Variants in CCSER1 observed in about 807,000 individuals in gnomAD.
CCSER1 encodes the protein coiled-coil serine rich protein 1.
A neutral mutation model predicts 82.0 loss-of-function variants in CCSER1; 41 were observed. The observed-to-expected ratio is 0.50, with a 90% confidence interval of 0.39 to 0.65. The LOEUF is 0.65. CCSER1 is among the 30% of genes least tolerant of loss of function. The probability of loss-of-function intolerance (pLI) is 0.00; values close to 1 mark genes in which losing one functional copy is unlikely to be tolerated. For missense variants in CCSER1, 1,119 were observed against 1,064.2 expected (o/e 1.05, Z -0.72); for synonymous variants, 414 against 383.9 (o/e 1.08, Z -0.92).
chr4:90,494,978 G>A (rs1364303259), intron 5 of CCSER1, among the ~76,000 whole-genome samples: 1 of 151,894 alleles, frequency 6.6e-6, no homozygotes, highest in Non-Finnish European at 1.5e-5. Flanking sequence ...CCTGATTTCT[G>A]TAGCTTCTGT....
At chr4:91,560,611 C>T (rs1011371768) in intron 10 of CCSER1, among the ~76,000 whole-genome samples, 1 of 151,360 alleles carries the variant, frequency 6.6e-6, no homozygotes, top group African/African-American at 2.4e-5. Context: ...TATGCTCAAT[C>T]GTTTAATAAC....
intron 10 of CCSER1, among the ~76,000 whole-genome samples, chr4:91,288,568 G>A (rs1361304305): frequency 6.6e-6 from 1 of 151,942 alleles, no homozygotes; most frequent in Non-Finnish European, 1.5e-5. Context: ...AAAAATAATA[G>A]CAAGATTCCT....
chr4:91,494,077 G>A (rs367898430), intron 10 of CCSER1, among the ~76,000 whole-genome samples: 4 of 151,982 alleles, frequency 2.6e-5, no homozygotes, highest in East Asian at 3.9e-4. Flanking sequence ...ACTGAAGAGA[G>A]CACGTTAGAT....
chr4:90,201,285 T>C (rs1394101946), intron 1 of CCSER1, among the ~76,000 whole-genome samples: 1 of 152,120 alleles, frequency 6.6e-6, no homozygotes, highest in Admixed American at 6.6e-5. Flanking sequence ...ACGTAAACTT[T>C]TTTGGGTTCT....
rs1053045312 is a variant in CCSER1 at position 90,829,327 on chromosome 4, G to A, written c.2094+13482G>A. ...TCTTAAAAAACTGATTTTTTAGATAGAATGGTTTATAATGTGAACAATTCA... is the reference window on the plus strand; with the variant it reads ...TCTTAAAAAACTGATTTTTTAGATAAAATGGTTTATAATGTGAACAATTCA... On this transcript the variant is annotated intron_variant, in intron 8 of 10. Transcript: ENST00000509176. Among the ~76,000 whole-genome samples, 3 of 152,034 alleles carry A rather than the reference G, an allele frequency of 2.0e-5. No individual in the cohort carries two copies. The East Asian group carries it at 5.8e-4, about 29-fold the overall frequency.
chr4:91,194,178 C>T (rs555155142), intron 10 of CCSER1, among the ~76,000 whole-genome samples: 1 of 152,124 alleles, frequency 6.6e-6, no homozygotes, highest in East Asian at 1.9e-4. Flanking sequence ...CCACATGGCT[C>T]AGGCTTGTCT....
intron 10 of CCSER1, among the ~76,000 whole-genome samples, chr4:91,327,356 A>G (rs890997485): frequency 6.6e-6 from 1 of 152,054 alleles, no homozygotes; most frequent in African/African-American, 2.4e-5. Flanking sequence ...TGGGGCTTAC[A>G]CCCTTTCAAG....
At chr4:90,471,125 ATG>A (rs1163920326) in intron 5 of CCSER1, among the ~76,000 whole-genome samples, 46 of 152,338 alleles carry the variant, frequency 3.0e-4, no homozygotes, top group African/African-American at 1.1e-3. Context: ...CTGAAATATA[ATG>A]CATGTATCTT....
intron 7 of CCSER1, among the ~76,000 whole-genome samples, chr4:90,763,325 G>C (rs1357174732): frequency 2.0e-5 from 3 of 152,004 alleles, no homozygotes; most frequent in Non-Finnish European, 4.4e-5. Flanking sequence ...TGGAAGATTT[G>C]GGAGGAGAGC....
intron 9 of CCSER1, among the ~76,000 whole-genome samples, chr4:90,991,240 A>G (rs1737002900): frequency 6.6e-6 from 1 of 151,814 alleles, no homozygotes; most frequent in South Asian, 2.1e-4. Flanking sequence ...CTCATATCCT[A>G]AGATTATTTT....
At chr4:90,792,719 A>G (rs1248612973) in intron 7 of CCSER1, among the ~76,000 whole-genome samples, 1 of 152,248 alleles carries the variant, frequency 6.6e-6, no homozygotes, top group African/African-American at 2.4e-5. Context: ...ACGTCGGGGC[A>G]GGATAGCAGC....
chr4:90,696,609 TA>T (rs1737033138), intron 6 of CCSER1, among the ~76,000 whole-genome samples: 1 of 152,202 alleles, frequency 6.6e-6, no homozygotes, highest in Admixed American at 6.6e-5. Flanking sequence ...CTTACCATCA[TA>T]GCATATAGAC....
intron 5 of CCSER1, among the ~76,000 whole-genome samples, chr4:90,612,413 C>T (rs1785646545): frequency 6.6e-6 from 1 of 152,116 alleles, no homozygotes; most frequent in African/African-American, 2.4e-5. Context: ...TAGCCTTTCT[C>T]ATGAACAAAG....
rs1727348156 is a variant in CCSER1 at position 90,153,589 on chromosome 4, G to A, written c.-42+25758G>A. On this transcript the variant is annotated intron_variant, in intron 1 of 10. Coordinates refer to ENST00000509176, the MANE Select transcript of CCSER1 (RefSeq NM_001145065.2). Reference sequence around the variant, plus strand: ...TAATGATTGCCATTCTAACTGGTGTGAGATGGTATCTCATTGTGGTTTTGA... The same window carrying A: ...TAATGATTGCCATTCTAACTGGTGTAAGATGGTATCTCATTGTGGTTTTGA... 2.6e-5 allele frequency among the ~76,000 whole-genome samples: 4 copies of A among 152,190 alleles called. No individual in the cohort carries two copies. In the South Asian group the frequency reaches 6.2e-4, roughly 24 times the overall value.
intron 3 of CCSER1, among the ~76,000 whole-genome samples, chr4:90,394,939 A>G (rs900965065): frequency 6.6e-6 from 1 of 152,196 alleles, no homozygotes; most frequent in Non-Finnish European, 1.5e-5. Flanking sequence ...TTGTGGTGAA[A>G]ACATTTTACT....
At chr4:91,199,941 T>C (rs947962789) in intron 10 of CCSER1, among the ~76,000 whole-genome samples, 6 of 152,114 alleles carry the variant, frequency 3.9e-5, no homozygotes, top group African/African-American at 9.6e-5. Context: ...AAGGTAGGGA[T>C]TGAAAAAAGA....
chr4:90,174,794 G>A (rs1189297145), intron 1 of CCSER1, among the ~76,000 whole-genome samples: 1 of 151,972 alleles, frequency 6.6e-6, no homozygotes, highest in Admixed American at 6.6e-5. Context: ...GCTAGAAATA[G>A]TACCTATTCC....
chr4:91,175,201 T>A (rs1406407516), intron 10 of CCSER1, among the ~76,000 whole-genome samples: 1 of 152,212 alleles, frequency 6.6e-6, no homozygotes, highest in African/African-American at 2.4e-5. Flanking sequence ...ATGTACCATA[T>A]TTTCTTAATC....
intron 9 of CCSER1, among the ~76,000 whole-genome samples, chr4:90,997,828 A>G (rs1737635838): frequency 6.6e-6 from 1 of 152,188 alleles, no homozygotes. Context: ...ACTGAGAGAA[A>G]ATAACCTAGA....
Sources: gnomAD v4.1 joint callset for allele counts (sites outside exome capture counted in the v4.1 genomes callset) on GRCh38, gnomAD v4.1.1 for gene constraint, MANE v1.5 for transcripts, NCBI Gene and HGNC (gene_info 2026-07-23, HGNC 2026-07-21) for gene names.